TMEM132B: variants seen among roughly 807,000 people sequenced by gnomAD.
TMEM132B encodes the protein transmembrane protein 132B.
A neutral mutation model predicts 90.8 loss-of-function variants in TMEM132B; 18 were observed. That is an observed-to-expected ratio of 0.20 (90% CI 0.14 to 0.29). The LOEUF is 0.29. Ranked by LOEUF, TMEM132B falls within the 10% of genes least tolerant of loss-of-function variation. The pLI, the probability that TMEM132B is intolerant of heterozygous loss-of-function variation, is 1.00. For synonymous variants in TMEM132B, 504 were observed against 523.3 expected, an observed-to-expected ratio of 0.96 and a Z score of 0.50; for missense variants, 1,096 against 1,326.8, an observed-to-expected ratio of 0.83 and a Z score of 2.70.
chr12:125,346,454 T>A (rs1455669402), intron 1 of TMEM132B, among the ~76,000 whole-genome samples: 3 of 152,202 alleles, frequency 2.0e-5, no homozygotes, highest in Non-Finnish European at 4.4e-5. Context: ...CTGAAAGATA[T>A]TGTGATGCTG....
chr12:125,455,109 G>A (rs898991087), intron 3 of TMEM132B, among the ~76,000 whole-genome samples: 1 of 152,150 alleles, frequency 6.6e-6, no homozygotes, highest in Non-Finnish European at 1.5e-5. Context: ...TCCTAATTGG[G>A]GGGTAAGGGA....
intron 1 of TMEM132B, among the ~76,000 whole-genome samples, chr12:125,206,566 C>T (rs1284146850): frequency 6.6e-6 from 1 of 152,120 alleles, no homozygotes; most frequent in Non-Finnish European, 1.5e-5. Context: ...TCCTCACAGT[C>T]TCTGGTCTGG....
At chr12:125,591,796 C>G (rs1286291822) in intron 5 of TMEM132B, among the ~76,000 whole-genome samples, 1 of 152,148 alleles carries the variant, frequency 6.6e-6, no homozygotes, top group African/African-American at 2.4e-5. Flanking sequence ...TGGTCTCACC[C>G]CTGTGTCTCT....
chr12:125,284,120 T>C (rs2136135438), intron 1 of TMEM132B, among the ~76,000 whole-genome samples: 1 of 152,308 alleles, frequency 6.6e-6, no homozygotes, highest in East Asian at 1.9e-4. Flanking sequence ...GATTTTTCCT[T>C]CTATGGTAGG....
chr12:125,577,044 G>A (rs4432076), intron 4 of TMEM132B, among the ~76,000 whole-genome samples: 6 of 151,244 alleles, frequency 4.0e-5, no homozygotes, highest in Non-Finnish European at 5.9e-5. Context: ...ATTTTGTGAA[G>A]AATTTCTAAA....
chr12:125,623,201 C>A (rs1157596492), intron 5 of TMEM132B, among the ~76,000 whole-genome samples: 1 of 152,136 alleles, frequency 6.6e-6, no homozygotes, highest in Non-Finnish European at 1.5e-5. Flanking sequence ...TTTTCCTAGG[C>A]TTACAAATGT....
chr12:125,212,822 A>AT (rs1218987431), intron 1 of TMEM132B, among the ~76,000 whole-genome samples: 4 of 152,062 alleles, frequency 2.6e-5, no homozygotes, highest in African/African-American at 9.7e-5. Context: ...ATGCCTCAAT[A>AT]TTTTTTTGTA....
chr12:125,422,559 AC>A (rs1415418447), intron 3 of TMEM132B, among the ~76,000 whole-genome samples: 2 of 152,210 alleles, frequency 1.3e-5, no homozygotes, highest in Non-Finnish European at 2.9e-5. Context: ...CCTCCCCAGA[AC>A]TTGTGAATGT....
At chr12:125,295,544 C>CAGAGAGAGAGAG (rs1555237247) in intron 1 of TMEM132B, among the ~76,000 whole-genome samples, 2 of 83,352 alleles carry the variant, frequency 2.4e-5, no homozygotes, top group Admixed American at 2.8e-4. Context: ...GAGAGAGAGA[C>CAGAGAGAGAGAG]AGAGACAGAG....
intron 1 of TMEM132B, chr12:125,326,464 A>G (rs1464028809): frequency 1.2e-6 from 1 of 800,136 alleles, no homozygotes; most frequent in Non-Finnish European, 2.1e-6. Flanking sequence ...TGAGCTCAAA[A>G]TGGAGCACAT....
At chr12:125,352,900 C>G (rs1877635852) in intron 2 of TMEM132B, among the ~76,000 whole-genome samples, 1 of 152,190 alleles carries the variant, frequency 6.6e-6, no homozygotes, top group Non-Finnish European at 1.5e-5. Context: ...TTTGGAGCCT[C>G]TTGATTTAGC....
intron 3 of TMEM132B, among the ~76,000 whole-genome samples, chr12:125,476,614 T>C (rs1881889542): frequency 6.6e-6 from 1 of 152,206 alleles, no homozygotes; most frequent in African/African-American, 2.4e-5. Flanking sequence ...AGTATCTGAG[T>C]GCTAATATGT....
chr12:125,602,864 T>G (rs1232149764), intron 5 of TMEM132B, among the ~76,000 whole-genome samples: 1 of 152,104 alleles, frequency 6.6e-6, no homozygotes, highest in Non-Finnish European at 1.5e-5. Flanking sequence ...CATTCACAGT[T>G]ACTACAAAGA....
intron 6 of TMEM132B, among the ~76,000 whole-genome samples, chr12:125,649,394 GAC>G (rs1886849641): frequency 6.6e-6 from 1 of 152,212 alleles, no homozygotes; most frequent in African/African-American, 2.4e-5. Context: ...AAAGGAAGAG[GAC>G]ACACATGATG....
intron 3 of TMEM132B, among the ~76,000 whole-genome samples, chr12:125,473,725 A>T (rs907053748): frequency 6.6e-6 from 1 of 152,224 alleles, no homozygotes; most frequent in Non-Finnish European, 1.5e-5. Flanking sequence ...GAGAGATGCC[A>T]AGATGGCTTA....
chr12:125,250,994 T>G (rs559070924), intron 1 of TMEM132B, among the ~76,000 whole-genome samples: 24 of 152,362 alleles, frequency 1.6e-4, no homozygotes, highest in Admixed American at 1.4e-3. Flanking sequence ...TTATTTGATT[T>G]TGTTGTTACA....
intron 3 of TMEM132B, among the ~76,000 whole-genome samples, chr12:125,485,516 C>G (rs117274800): frequency 1.3e-5 from 2 of 152,104 alleles, no homozygotes; most frequent in South Asian, 4.2e-4. Flanking sequence ...TCCTTAGTGC[C>G]GGAACTAGGT....
chr12:125,471,250 C>G (rs1246670132), intron 3 of TMEM132B, among the ~76,000 whole-genome samples: 3 of 152,200 alleles, frequency 2.0e-5, no homozygotes, highest in Non-Finnish European at 4.4e-5. Context: ...GTGTGAGGGC[C>G]ATGGGCTGCT....
intron 1 of TMEM132B, among the ~76,000 whole-genome samples, chr12:125,190,222 C>T (rs1453572233): frequency 6.6e-6 from 1 of 152,208 alleles, no homozygotes; most frequent in African/African-American, 2.4e-5. Flanking sequence ...TACCTGGGAG[C>T]TCTTCTGGTA....
Sources: gnomAD v4.1 joint callset for allele counts (sites outside exome capture counted in the v4.1 genomes callset) on GRCh38, gnomAD v4.1.1 for gene constraint, MANE v1.5 for transcripts, NCBI Gene and HGNC (gene_info 2026-07-23, HGNC 2026-07-21) for gene names.